The following ZNF805 variants were observed in gnomAD, a reference collection of about 807,000 sequenced individuals.
The protein encoded by ZNF805 is CTC-444N24.8.
ZNF805 carries 7 observed loss-of-function variants against 13.6 expected under a neutral mutation model. The ratio of observed to expected loss-of-function variants is 0.51; its 90% CI spans 0.29 to 0.97. ZNF805 has a LOEUF of 0.97. Ranked by LOEUF, ZNF805 falls within the 50% of genes least tolerant of loss-of-function variation. ZNF805 has a pLI of 0.08. For synonymous variants in ZNF805, 293 were observed against 279.8 expected, an observed-to-expected ratio of 1.05 and a Z score of -0.47; for missense variants, 604 against 771.0, an observed-to-expected ratio of 0.78 and a Z score of 2.57.
In ZNF805 at chr19:57,253,440, A is replaced by G; in HGVS notation, c.621A>G (p.Glu207=). 1 of 1,571,478 alleles carries G rather than the reference A, an allele frequency of 6.4e-7. No individual in the cohort carries two copies. The highest frequency in any genetic ancestry group is 8.6e-7 in the Non-Finnish European group (1 of 1,157,760). ...AGGAAAATATCTTTAAATGCAATGA[A>G]TGTGAAAAAGTGTTTAACAAGAAAC... ...QEEENIFKCN[E]CEKVFNKKRL... Residue 207 remains glutamate, a synonymous_variant, in exon 4 of 4, where the codon GAA becomes GAG. Coordinates refer to ENST00000414468, the MANE Select transcript of ZNF805 (RefSeq NM_001023563.4). This position sits in a 1 kb window ranked among gnomAD's most constrained non-coding sequence, Gnocchi z 4.4.
At chr19:57,240,993 C>A in intron 1 of ZNF805, 72 bp downstream of exon 1, 1 of 1,485,090 alleles carries the variant, frequency 6.7e-7, no homozygotes, top group Non-Finnish European at 9.2e-7. Flanking sequence ...GGCCGGAAGC[C>A]AAGACAGCCA....
At position 57,245,518 on chromosome 19, in the gene ZNF805, G is replaced by C. The variant is rs571591648; in HGVS notation, c.157+1469G>C. Among the ~76,000 whole-genome samples, 87 of 152,084 alleles carry C rather than the reference G, an allele frequency of 5.7e-4. 1 individual carries two copies. The highest frequency in any genetic ancestry group is 6.8e-3 in the Middle Eastern group (2 of 292). ...TGATGGGCCAGGTGCGATAGCTCAT[G>C]CCTGTAATCCCAGCACTTTGGGAGG... On this transcript the variant is annotated intron_variant, in intron 2 of 3. Coordinates refer to ENST00000414468, the MANE Select transcript of ZNF805 (RefSeq NM_001023563.4).
rs990929905 is a variant in ZNF805 at position 57,259,358 on chromosome 19, T to C, written c.*4655T>C. Among the ~76,000 whole-genome samples, 7 of 152,190 alleles carry C rather than the reference T, an allele frequency of 4.6e-5. No individual in the cohort carries two copies. The highest frequency in any genetic ancestry group is 7.3e-5 in the Non-Finnish European group (5 of 68,034). Reference sequence around the variant, plus strand: ...CTTTTTCTGGTCTATTTTTCCCTTTTTTTCATATTGGTTAATTTCTGTTGA... The same window carrying C: ...CTTTTTCTGGTCTATTTTTCCCTTTCTTTCATATTGGTTAATTTCTGTTGA... On this transcript the variant is annotated 3_prime_UTR_variant, in exon 4 of 4. Coordinates refer to ENST00000414468, the MANE Select transcript of ZNF805 (RefSeq NM_001023563.4).
chr19:57,245,641 T>C (rs371066841), intron 2 of ZNF805, among the ~76,000 whole-genome samples: 70 of 149,678 alleles, frequency 4.7e-4, no homozygotes, highest in South Asian at 8.6e-4. Context: ...TAGCCGGGCG[T>C]GGTGGCGGGT....
intron 1 of ZNF805, among the ~76,000 whole-genome samples, chr19:57,242,107 A>G (rs1274784362): frequency 6.6e-6 from 1 of 152,250 alleles, no homozygotes; most frequent in East Asian, 1.9e-4. Context: ...GTGACATTCT[A>G]TTATAAACAC....
At chr19:57,244,172 G>C (rs2087596822) in intron 2 of ZNF805, 123 bp downstream of exon 2, 10 of 893,122 alleles carry the variant, frequency 1.1e-5, no homozygotes, top group East Asian at 1.1e-4. Flanking sequence ...CACAAATTCA[G>C]TCATTTTCTA....
intron 2 of ZNF805, among the ~76,000 whole-genome samples, chr19:57,246,987 C>T (rs1317585885): frequency 6.6e-6 from 1 of 151,770 alleles, no homozygotes; most frequent in African/African-American, 2.4e-5. Context: ...TTTTATGAAG[C>T]TATCACTGAA....
chr19:57,244,519 C>T (rs1356158843), intron 2 of ZNF805, among the ~76,000 whole-genome samples: 3 of 152,058 alleles, frequency 2.0e-5, no homozygotes, highest in African/African-American at 7.2e-5. Flanking sequence ...CCTACACTCA[C>T]CTCTTCCTAT....
At position 57,253,593 on chromosome 19, in the gene ZNF805, C is replaced by G; in HGVS notation, c.774C>G (p.Pro258=). The G allele has an allele frequency of 6.2e-7, 1 of 1,613,704 alleles. No individual in the cohort carries two copies. Among genetic ancestry groups the G allele is most frequent in the South Asian group, 1.1e-5 (1 of 91,058 alleles). The part of the protein sequence containing the change: ...QHHMVHTGEK[P]YKCMECGKAF... Reference sequence around the variant, plus strand: ...ACATGGTCCACACTGGGGAGAAGCCCTATAAGTGCATGGAGTGTGGGAAGG... The same window carrying G: ...ACATGGTCCACACTGGGGAGAAGCCGTATAAGTGCATGGAGTGTGGGAAGG... The change falls in exon 4 of 4, where the codon CCC becomes CCG. Residue 258 remains proline, a synonymous_variant. Transcript: ENST00000414468. This position sits in a 1 kb window ranked among gnomAD's most constrained non-coding sequence, Gnocchi z 4.4.
chr19:57,241,837 T>A (rs1055849286), intron 1 of ZNF805, among the ~76,000 whole-genome samples: 2 of 152,262 alleles, frequency 1.3e-5, no homozygotes, highest in Non-Finnish European at 2.9e-5. Flanking sequence ...TCTGCTCAAA[T>A]GTCACTTCTT....
At chr19:57,245,602 A>C (rs1380536378) in intron 2 of ZNF805, among the ~76,000 whole-genome samples, 1 of 148,276 alleles carries the variant, frequency 6.7e-6, no homozygotes, top group Non-Finnish European at 1.5e-5. Flanking sequence ...ACACGGTGCA[A>C]CCCTGTCTCT....
rs776049295 is a variant in ZNF805, at chr19:57,254,370, G to A, written c.1551G>A (p.Gly517=). Reference sequence around the variant, plus strand: ...AGCCCTATGAATGCATCGAGTGTGGGAAAACATTTTGCTGGAGCACAAACC... The same window carrying A: ...AGCCCTATGAATGCATCGAGTGTGGAAAAACATTTTGCTGGAGCACAAACC... ...GEKPYECIEC[G]KTFCWSTNLI... Residue 517 remains glycine, a synonymous_variant, in exon 4 of 4, where the codon GGG becomes GGA. Transcript: ENST00000414468. 1.9e-6 allele frequency: 3 copies of A among 1,613,876 alleles called. No homozygotes were observed. The highest frequency in any genetic ancestry group is 2.5e-6 in the Non-Finnish European group (3 of 1,179,906).
At position 57,240,887 on chromosome 19, in the gene ZNF805, C is replaced by T. The variant is rs1443803065; in HGVS notation, c.-5C>T. On this transcript the variant is annotated 5_prime_UTR_variant, in exon 1 of 4. Coordinates refer to ENST00000414468, the MANE Select transcript of ZNF805 (RefSeq NM_001023563.4). Reference sequence around the variant, plus strand: ...CCCGCCCCGCTAGGGCCACAGGGTCCCGGTATGGCGATGGCTTTGACGGAC... The same window carrying T: ...CCCGCCCCGCTAGGGCCACAGGGTCTCGGTATGGCGATGGCTTTGACGGAC... 3 of 1,553,578 alleles carry T rather than the reference C, an allele frequency of 1.9e-6. No homozygotes were observed. The highest frequency in any genetic ancestry group is 2.6e-6 in the Non-Finnish European group (3 of 1,148,458).
chr19:57,254,363 A>C lies in ZNF805; in HGVS notation c.1544A>C (p.Glu515Ala). The change falls in exon 4 of 4, where the codon GAG (glutamate) becomes GCG (alanine). Residue 515 changes from glutamate to alanine, a missense_variant. By Grantham distance (107) the Glu-to-Ala change is moderately radical. Around this residue, in one of 3 missense-constraint regions of ZNF805, gnomAD observed 228 missense variants for 352.8 expected, o/e 0.65. Transcript: ENST00000414468. ...HSGEKPYECI[E>A]CGKTFCWSTN... ...GGAGAGAAGCCCTATGAATGCATCG[A>C]GTGTGGGAAAACATTTTGCTGGAGC... is the stretch of plus-strand genomic sequence containing the variant. 1 of 1,614,136 alleles carries C rather than the reference A, an allele frequency of 6.2e-7. No individual in the cohort carries two copies. Among genetic ancestry groups the C allele is most frequent in the Non-Finnish European group, 8.5e-7 (1 of 1,180,014 alleles).
At chr19:57,248,250 C>T (rs897427882) in intron 2 of ZNF805, among the ~76,000 whole-genome samples, 1 of 151,466 alleles carries the variant, frequency 6.6e-6, no homozygotes, top group African/African-American at 2.4e-5. Flanking sequence ...AAGATACATA[C>T]CTTGTTCTGA....
intron 3 of ZNF805, among the ~76,000 whole-genome samples, chr19:57,250,115 A>G (rs577814769): frequency 6.6e-6 from 1 of 152,344 alleles, no homozygotes; most frequent in Admixed American, 6.5e-5. Context: ...ACCTCAGACA[A>G]GTCAACCCCT....
chr19:57,259,087 T>G lies in ZNF805; in HGVS notation c.*4384T>G, dbSNP rs187808271. Among the ~76,000 whole-genome samples the G allele has an allele frequency of 1.7e-4, 26 of 152,356 alleles. No homozygotes were observed. The highest frequency in any genetic ancestry group is 4.8e-4 in the African/African-American group (20 of 41,582). The stretch of plus-strand genomic sequence containing the variant: ...TTATCAACCTGCGTTCAAAGTGTTT[T>G]GTTTTTTTTGTAGTGTTCAGAAGTT... On this transcript the variant is annotated 3_prime_UTR_variant, in exon 4 of 4. Coordinates refer to ENST00000414468, the MANE Select transcript of ZNF805 (RefSeq NM_001023563.4).
intron 2 of ZNF805, among the ~76,000 whole-genome samples, chr19:57,244,886 A>G (rs1161851750): frequency 6.6e-6 from 1 of 150,584 alleles, no homozygotes; most frequent in Non-Finnish European, 1.5e-5. Context: ...ATGCTGCTCC[A>G]CCTCCAGCTC....
At position 57,254,356 on chromosome 19, in the gene ZNF805, T is replaced by C; in HGVS notation, c.1537T>C (p.Cys513Arg). ...TCATAGTGGAGAGAAGCCCTATGAA[T>C]GCATCGAGTGTGGGAAAACATTTTG... ...RIHSGEKPYECIECGKTFCWS... is the reference protein window; with the variant it reads ...RIHSGEKPYERIECGKTFCWS... The change falls in exon 4 of 4, where the codon TGC (cysteine) becomes CGC (arginine). Residue 513 changes from cysteine (C) to arginine (R), a missense_variant. Around this residue, in one of 3 missense-constraint regions of ZNF805, gnomAD observed 228 missense variants for 352.8 expected, o/e 0.65. Coordinates refer to ENST00000414468, the MANE Select transcript of ZNF805 (RefSeq NM_001023563.4). 1 of 1,614,114 alleles carries C rather than the reference T, an allele frequency of 6.2e-7. No homozygotes were observed. The highest frequency in any genetic ancestry group is 8.5e-7 in the Non-Finnish European group (1 of 1,180,026).
Sources: gnomAD v4.1 joint callset for allele counts (sites outside exome capture counted in the v4.1 genomes callset) on GRCh38, gnomAD v4.1.1 for gene constraint, gnomAD v4.1.1 regional missense constraint, Gnocchi (gnomAD v3.1) non-coding constraint, MANE v1.5 for transcripts, NCBI Gene and HGNC (gene_info 2026-07-23, HGNC 2026-07-21) for gene names.